Variants in KLHL1 observed in about 807,000 individuals in gnomAD.
KLHL1 encodes kelch like family member 1, also known as kelch-like protein 1.
In KLHL1, 47 loss-of-function variants were observed where a neutral mutation model predicts 77.7. The observed-to-expected ratio is 0.60, with a 90% CI of 0.48 to 0.77. The LOEUF (loss-of-function observed/expected upper bound fraction) is 0.77. Ranked by LOEUF, KLHL1 falls within the 30% of genes least tolerant of loss-of-function variation. KLHL1 has a pLI of 0.00. For synonymous variants in KLHL1, 360 were observed against 325.2 expected (o/e 1.11, Z -1.15); for missense variants, 925 against 910.8 (o/e 1.02, Z -0.20).
intron 6 of KLHL1, among the ~76,000 whole-genome samples, chr13:69,798,329 A>T (rs1032811340): frequency 6.6e-6 from 1 of 152,214 alleles, no homozygotes. Context: ...CTAACTAGTA[A>T]TGAACTAAAT....
chr13:69,719,329 C>T (rs939232115), intron 9 of KLHL1, 40 bp downstream of exon 9: 1 of 1,563,310 alleles, frequency 6.4e-7, no homozygotes, highest in Non-Finnish European at 8.8e-7. Context: ...ATGTGATTTG[C>T]ACTGTCTCTT....
chr13:69,902,091 C>T (rs1342818359), intron 4 of KLHL1, among the ~76,000 whole-genome samples: 3 of 152,088 alleles, frequency 2.0e-5, no homozygotes, highest in East Asian at 1.9e-4. Flanking sequence ...TGAGCCACCA[C>T]GCCCAGCCCA....
intron 7 of KLHL1, among the ~76,000 whole-genome samples, chr13:69,794,638 G>A (rs1357227864): frequency 1.3e-5 from 2 of 151,998 alleles, no homozygotes; most frequent in African/African-American, 4.8e-5. Context: ...GAAGCAGATA[G>A]GAATTTGAAA....
intron 6 of KLHL1, among the ~76,000 whole-genome samples, chr13:69,811,982 T>C (rs1324572865): frequency 6.6e-6 from 1 of 152,162 alleles, no homozygotes; most frequent in African/African-American, 2.4e-5. Context: ...CTAGTTCTTT[T>C]AATTGTGATG....
chr13:69,800,092 A>G (rs1416601915), intron 6 of KLHL1, among the ~76,000 whole-genome samples: 1 of 152,142 alleles, frequency 6.6e-6, no homozygotes, highest in Non-Finnish European at 1.5e-5. Flanking sequence ...CTGGTGCCCA[A>G]AAAGTTGGGG....
At chr13:69,944,978 CTTTTTTTTT>C (rs750774784) in intron 3 of KLHL1, among the ~76,000 whole-genome samples, 3 of 79,862 alleles carry the variant, frequency 3.8e-5, no homozygotes, top group Admixed American at 1.7e-4. Flanking sequence ...TATAAAACTT[CTTTTTTTTT>C]TTTTTTTTTT....
intron 7 of KLHL1, among the ~76,000 whole-genome samples, chr13:69,774,552 AAGTTTAAAATGC>A (rs1875732995): frequency 6.6e-6 from 1 of 151,908 alleles, no homozygotes; most frequent in Non-Finnish European, 1.5e-5. Context: ...TTTTATCTCA[AAGTTTAAAATGC>A]AGTGTGAATC....
At chr13:69,932,445 A>T (rs1883031891) in intron 4 of KLHL1, among the ~76,000 whole-genome samples, 1 of 151,922 alleles carries the variant, frequency 6.6e-6, no homozygotes, top group Non-Finnish European at 1.5e-5. Context: ...CACTCTAATA[A>T]TGTAAGAATG....
intron 5 of KLHL1, among the ~76,000 whole-genome samples, chr13:69,867,385 A>G (rs1880404022): frequency 6.6e-6 from 1 of 152,048 alleles, no homozygotes; most frequent in Non-Finnish European, 1.5e-5. Flanking sequence ...CTCACCCACA[A>G]TCAATATTTG....
chr13:69,765,376 C>G (rs1313911122), intron 7 of KLHL1, among the ~76,000 whole-genome samples: 20 of 152,012 alleles, frequency 1.3e-4, no homozygotes, highest in Admixed American at 1.2e-3. Flanking sequence ...ATATCTTATA[C>G]AAAATATTAA....
intron 6 of KLHL1, among the ~76,000 whole-genome samples, chr13:69,803,729 C>CT (rs1358846228): frequency 2.6e-5 from 4 of 152,126 alleles, no homozygotes; most frequent in Non-Finnish European, 5.9e-5. Flanking sequence ...ATGAGCAGGA[C>CT]TTGACTTACT....
intron 4 of KLHL1, among the ~76,000 whole-genome samples, chr13:69,915,986 A>G (rs940348468): frequency 6.6e-6 from 1 of 152,242 alleles, no homozygotes; most frequent in African/African-American, 2.4e-5. Flanking sequence ...GACACATGAA[A>G]AAATGCTCAT....
intron 1 of KLHL1, among the ~76,000 whole-genome samples, chr13:69,979,708 C>G (rs1229785381): frequency 1.3e-5 from 2 of 151,858 alleles, no homozygotes; most frequent in Non-Finnish European, 2.9e-5. Flanking sequence ...TTATTTTGGC[C>G]CAACAATACA....
intron 6 of KLHL1, among the ~76,000 whole-genome samples, chr13:69,812,654 G>A (rs1436800274): frequency 6.6e-6 from 1 of 151,842 alleles, no homozygotes; most frequent in Non-Finnish European, 1.5e-5. Flanking sequence ...CAAAAAGTGG[G>A]CAAATGATAT....
chr13:69,752,193 G>T (rs969469379), intron 7 of KLHL1, among the ~76,000 whole-genome samples: 1 of 152,104 alleles, frequency 6.6e-6, no homozygotes, highest in Non-Finnish European at 1.5e-5. Flanking sequence ...AATGTATCAA[G>T]AACCTACATC....
At chr13:70,048,256 T>C in intron 1 of KLHL1, among the ~76,000 whole-genome samples, 1 of 152,202 alleles carries the variant, frequency 6.6e-6, no homozygotes, top group East Asian at 1.9e-4. Context: ...TGATTATCCA[T>C]CTGTCAAAAA....
At chr13:69,889,139 T>C (rs539106473) in intron 4 of KLHL1, among the ~76,000 whole-genome samples, 3 of 151,888 alleles carry the variant, frequency 2.0e-5, no homozygotes, top group Non-Finnish European at 4.4e-5. Context: ...GTATCAAGAG[T>C]TTTTAGTAAT....
intron 1 of KLHL1, 50 bp from the exon 2 acceptor site, chr13:69,975,852 A>T: frequency 6.7e-7 from 1 of 1,486,628 alleles, no homozygotes; most frequent in Non-Finnish European, 8.9e-7. Context: ...AAAGGGATTT[A>T]TAAAGAGCCA....
rs1286133270 is a variant in KLHL1, at chr13:69,796,865, A to G, written c.1512T>C (p.Ile504=). The change falls in exon 7 of 11, where the codon ATT becomes ATC. Residue 504 remains isoleucine (I), a synonymous_variant. Transcript: ENST00000377844. ...GRRLQFGVAV[I]DDKLFVIGGR... ...CTCCAATTACAAAGAGTTTGTCATCAATAACAGCCACACCAAACTGCAGCC... is the reference window on the plus strand; with the variant it reads ...CTCCAATTACAAAGAGTTTGTCATCGATAACAGCCACACCAAACTGCAGCC... The G allele has an allele frequency of 1.2e-6, 2 of 1,614,020 alleles. No homozygotes were observed. The highest frequency in any genetic ancestry group is 1.7e-6 in the Non-Finnish European group (2 of 1,180,008).
Sources: gnomAD v4.1 joint callset for allele counts (sites outside exome capture counted in the v4.1 genomes callset) on GRCh38, gnomAD v4.1.1 for gene constraint, MANE v1.5 for transcripts, NCBI Gene and HGNC (gene_info 2026-07-23, HGNC 2026-07-21) for gene names.